The following ZWINT variants were observed in gnomAD, a reference collection of about 807,000 sequenced individuals.
ZWINT encodes the protein ZW10 interacting kinetochore protein, also known as outer kinetochore KNL1 complex subunit ZWINT.
ZWINT carries 41 observed loss-of-function variants against 41.5 expected under a neutral mutation model. The ratio of observed to expected loss-of-function variants is 0.99; its 90% CI spans 0.77 to 1.28. ZWINT has a LOEUF of 1.28. Among genes scored for constraint, ZWINT ranks in the 50% most tolerant of loss-of-function variants. ZWINT has a pLI of 0.00. For synonymous variants in ZWINT, 132 were observed against 126.8 expected (o/e 1.04, Z -0.28); for missense variants, 369 against 329.7 (o/e 1.12, Z -0.92).
In ZWINT at chr10:56,357,823, T is replaced by C. The variant is rs1838204866; in HGVS notation, c.*404A>G. On this transcript the variant is annotated 3_prime_UTR_variant, in exon 9 of 9. Coordinates refer to ENST00000373944, the MANE Select transcript of ZWINT (RefSeq NM_007057.4). ...CACAAAGAAAGGACTCAACAAACAT[T>C]TGGATCCATGAATAAAATTATCTTC... The C allele has an allele frequency of 5.7e-6, 2 of 348,086 alleles. No individual in the cohort carries two copies. The highest frequency in any genetic ancestry group is 2.2e-5 in the African/African-American group (1 of 46,432). The allele number at this position is 348,086 out of a possible 1,614,324, so 21.6% of individuals were successfully genotyped here.
At position 56,358,111 on chromosome 10, in the gene ZWINT, T is replaced by C; in HGVS notation, c.*116A>G. On this transcript the variant is annotated 3_prime_UTR_variant, in exon 9 of 9. Coordinates refer to ENST00000373944, the MANE Select transcript of ZWINT (RefSeq NM_007057.4). Reference sequence around the variant, plus strand: ...GATGCCAGAGCTTGCTGGGATGTAGTCAGAAATCAAGCTGAACTCAGGAGT... The same window carrying C: ...GATGCCAGAGCTTGCTGGGATGTAGCCAGAAATCAAGCTGAACTCAGGAGT... 1.5e-6 allele frequency: 1 copy of C among 660,262 alleles called. No individual in the cohort carries two copies. The highest frequency in any genetic ancestry group is 2.9e-6 in the Non-Finnish European group (1 of 341,996). 40.9% of individuals were successfully genotyped at this position (660,262 alleles called of 1,614,324 possible). A position where few individuals can be genotyped will look rare whatever the true frequency, so the allele number is the denominator to read the frequency against.
In ZWINT at chr10:56,358,698, T is replaced by C. The variant is rs773171563; in HGVS notation, c.650A>G (p.Tyr217Cys). The change falls in exon 7 of 9, where the codon TAT (tyrosine) becomes TGT (cysteine). Residue 217 changes from tyrosine to cysteine, a missense_variant. Physicochemically the swap from Tyr to Cys is radical, Grantham distance 194. Coordinates refer to ENST00000373944, the MANE Select transcript of ZWINT (RefSeq NM_007057.4). ...GAACAACAGCTTACCCTGCAGGGTA[T>C]ACAGAAGCTGGAGGAAGGTCTGATA... ...QRYQTFLQLL[Y>C]TLQGKLLFPE... 6 of 1,614,112 alleles carry C rather than the reference T, an allele frequency of 3.7e-6. No homozygotes were observed. In the East Asian group the frequency reaches 1.3e-4, roughly 36 times the overall value.
rs1325876020 is a variant in ZWINT at position 56,359,677 on chromosome 10, C to T, written c.423+10G>A. The T allele has an allele frequency of 3.1e-6, 5 of 1,614,022 alleles. No homozygotes were observed. The highest frequency in any genetic ancestry group is 1.7e-5 in the Admixed American group (1 of 59,996). On this transcript the variant is annotated intron_variant, in intron 4 of 8. Coordinates refer to ENST00000373944, the MANE Select transcript of ZWINT (RefSeq NM_007057.4). ...CCTTCCCTCCCTGTACTCAAGACCCCTGGGTGTACCTTGGCCTGGAGCTGC... is the reference window on the plus strand; with the variant it reads ...CCTTCCCTCCCTGTACTCAAGACCCTTGGGTGTACCTTGGCCTGGAGCTGC...
At position 56,359,785 on chromosome 10, in the gene ZWINT, C is replaced by A. The variant is rs376230702; in HGVS notation, c.325G>T (p.Ala109Ser). The change falls in exon 4 of 9, where the codon GCC becomes TCC. Residue 109 changes from alanine (A) to serine (S), a missense_variant. By Grantham distance (99) the Ala-to-Ser change is moderately conservative. Transcript: ENST00000373944. ...LKATYREHVEAIKIGLTKALT... is the reference protein window; with the variant it reads ...LKATYREHVESIKIGLTKALT... Reference sequence around the variant, plus strand: ...GCCTTGGTGAGGCCAATTTTGATGGCCTCTACGTGCTCCCTGTAGGTGGCC... The same window carrying A: ...GCCTTGGTGAGGCCAATTTTGATGGACTCTACGTGCTCCCTGTAGGTGGCC... 1.3e-5 allele frequency: 21 copies of A among 1,613,984 alleles called. No individual in the cohort carries two copies. The highest frequency in any genetic ancestry group is 1.5e-5 in the Non-Finnish European group (18 of 1,180,024).
At chr10:56,358,303 G>T in intron 8 of ZWINT, 74 bp downstream of exon 8, 1 of 1,236,498 alleles carries the variant, frequency 8.1e-7, no homozygotes, top group Non-Finnish European at 1.2e-6. Flanking sequence ...CTCAGATGCA[G>T]AGAGAGGTAA....
intron 1 of ZWINT, among the ~76,000 whole-genome samples, chr10:56,360,633 GAA>G (rs1336537389): frequency 6.6e-6 from 1 of 152,328 alleles, no homozygotes; most frequent in East Asian, 1.9e-4. Context: ...AGGAGTTTGA[GAA>G]AAGAGCTGAA....
chr10:56,359,491 C>T lies in ZWINT; in HGVS notation c.465G>A (p.Gln155=). 2 of 1,536,586 alleles carry T rather than the reference C, an allele frequency of 1.3e-6. No individual in the cohort carries two copies. Among genetic ancestry groups the T allele is most frequent in the East Asian group, 2.3e-5 (1 of 44,280 alleles). Reference sequence around the variant, plus strand: ...ACGAACCTACCTGTTGTAGCTGCCACTGGTTCTGGACTGCTCTGCGTTTCT... The same window carrying T: ...ACGAACCTACCTGTTGTAGCTGCCATTGGTTCTGGACTGCTCTGCGTTTCT... The part of the protein sequence containing the change: ...AMEKRRAVQN[Q]WQLQQEKHLQ... Residue 155 remains glutamine, a synonymous_variant, in exon 5 of 9, where the codon CAG becomes CAA. Transcript: ENST00000373944.
rs1024574990 is a variant in ZWINT at position 56,360,022 on chromosome 10, C to T, written c.252G>A (p.Thr84=). The change falls in exon 3 of 9, where the codon ACG becomes ACA. Residue 84 remains threonine (T), a synonymous_variant. Transcript: ENST00000373944. The stretch of plus-strand genomic sequence containing the variant: ...TACAATCCCCTGCCTACTCACGGCT[C>T]GTGTCTTCAGAAGCCAAGGGGTCGA... ...KGLDPLASED[T]SRQKAIAAKE... 4 of 1,613,870 alleles carry T rather than the reference C, an allele frequency of 2.5e-6. No individual in the cohort carries two copies. The African/African-American group carries it at 4.0e-5, about 16-fold the overall frequency.
chr10:56,358,771 A>G (rs1460554491), intron 6 of ZWINT, 34 bp downstream of exon 6: 1 of 1,613,952 alleles, frequency 6.2e-7, no homozygotes, highest in Non-Finnish European at 8.5e-7. Context: ...CAGCTGGACC[A>G]TTTTGAATCT....
Position 56,358,716 on chromosome 10 carries a change from G to T in ZWINT, c.632C>A (p.Thr211Asn). 1 of 1,614,144 alleles carries T rather than the reference G, an allele frequency of 6.2e-7. No homozygotes were observed. Among genetic ancestry groups the T allele is most frequent in the South Asian group, 1.1e-5 (1 of 91,088 alleles). Residue 211 changes from threonine (T) to asparagine (N), a missense_variant, in exon 7 of 9, where the codon ACC becomes AAC. Transcript: ENST00000373944. Reference protein sequence around the residue: ...QERDKLQRYQTFLQLLYTLQG... With the variant: ...QERDKLQRYQNFLQLLYTLQG... Reference sequence around the variant, plus strand: ...CAGGGTATACAGAAGCTGGAGGAAGGTCTGATACCTACAAAGAGGAGGTAA... The same window carrying T: ...CAGGGTATACAGAAGCTGGAGGAAGTTCTGATACCTACAAAGAGGAGGTAA...
Position 56,357,992 on chromosome 10 carries a change from T to C in ZWINT, c.*235A>G. On this transcript the variant is annotated 3_prime_UTR_variant, in exon 9 of 9. Coordinates refer to ENST00000373944, the MANE Select transcript of ZWINT (RefSeq NM_007057.4). ...CCAGTCCCAGCTCCTGTCATGTTAT[T>C]GGCTTCTGAGTATCTGTATTAATAG... 2.0e-6 allele frequency: 1 copy of C among 489,548 alleles called. No homozygotes were observed. Among genetic ancestry groups the C allele is most frequent in the South Asian group, 1.5e-5 (1 of 66,422 alleles). The allele number at this position is 489,548 out of a possible 1,614,324, so 30.3% of individuals were successfully genotyped here. A position where few individuals can be genotyped will look rare whatever the true frequency, so the allele number is the denominator to read the frequency against.
Position 56,360,140 on chromosome 10 carries a change from T to G in ZWINT, c.134A>C (p.Asp45Ala). The change falls in exon 3 of 9, where the codon GAC (aspartate) becomes GCC (alanine). Residue 45 changes from aspartate (D) to alanine (A), a missense_variant and splice_region_variant. Asp to Ala is a moderately radical substitution (Grantham distance 126). Transcript: ENST00000373944. ...GAGCAGCTTGTCTTTCTTCTGAGAG[T>G]CCTGCTCAGAGGGAGGGCAGAGACA... ...PAKILVEFVV[D>A]SQKKDKLLCS... 1 of 1,613,908 alleles carries G rather than the reference T, an allele frequency of 6.2e-7. No individual in the cohort carries two copies. Among genetic ancestry groups the G allele is most frequent in the East Asian group, 2.2e-5 (1 of 44,870 alleles).
intron 1 of ZWINT, 110 bp downstream of exon 1, chr10:56,361,086 G>A (rs1838322416): frequency 4.0e-6 from 5 of 1,243,442 alleles, no homozygotes; most frequent in East Asian, 2.4e-5. Flanking sequence ...TTCACGGCAG[G>A]GTCGAACCTC....
chr10:56,360,962 C>T (rs937317732), intron 1 of ZWINT, among the ~76,000 whole-genome samples: 1 of 152,114 alleles, frequency 6.6e-6, no homozygotes, highest in Admixed American at 6.6e-5. Flanking sequence ...TCCTAGAGCA[C>T]ATCCTGTGGA....
chr10:56,357,263 C>T lies in ZWINT; in HGVS notation c.*964G>A, dbSNP rs562453134. ...AAAAGATAATTCACTCACCAAATTT[C>T]AAAGTTTATTAAACAGATGATATTC... On this transcript the variant is annotated 3_prime_UTR_variant, in exon 9 of 9. Coordinates refer to ENST00000373944, the MANE Select transcript of ZWINT (RefSeq NM_007057.4). 1 of 152,106 alleles carries T rather than the reference C, an allele frequency of 6.6e-6. No individual in the cohort carries two copies. The highest frequency in any genetic ancestry group is 1.5e-5 in the Non-Finnish European group (1 of 67,954). The allele number at this position is 152,106 out of a possible 1,614,324, so 9.4% of individuals were successfully genotyped here. A position where few individuals can be genotyped will look rare whatever the true frequency, so the allele number is the denominator to read the frequency against.
rs1838191803 is a variant in ZWINT at position 56,357,446 on chromosome 10, A to C, written c.*781T>G. The C allele has an allele frequency of 6.6e-6, 1 of 152,272 alleles. No individual in the cohort carries two copies. The highest frequency in any genetic ancestry group is 2.4e-5 in the African/African-American group (1 of 41,460). The allele number at this position is 152,272 out of a possible 1,614,324, so 9.4% of individuals were successfully genotyped here. ...ATAAAGGAAGTCAGAAGAAATGTAT[A>C]ACCTTAAATATTTATTTGAGAAAAC... is the stretch of plus-strand genomic sequence containing the variant. On this transcript the variant is annotated 3_prime_UTR_variant, in exon 9 of 9. Coordinates refer to ENST00000373944, the MANE Select transcript of ZWINT (RefSeq NM_007057.4).
chr10:56,359,751 T>C lies in ZWINT; in HGVS notation c.359A>G (p.Gln120Arg), dbSNP rs1207587213. 6.2e-7 allele frequency: 1 copy of C among 1,614,048 alleles called. No homozygotes were observed. Among genetic ancestry groups the C allele is most frequent in the Non-Finnish European group, 8.5e-7 (1 of 1,180,018 alleles). ...CCGTTTCCTCTGGGCTTCCTCCATC[T>C]GAGTCAGGGCCTTGGTGAGGCCAAT... The part of the protein sequence containing the change: ...IKIGLTKALT[Q>R]MEEAQRKRTQ... The change falls in exon 4 of 9, where the codon CAG (glutamine) becomes CGG (arginine). Residue 120 changes from glutamine to arginine, a missense_variant. Gln to Arg is a conservative substitution (Grantham distance 43). Coordinates refer to ENST00000373944, the MANE Select transcript of ZWINT (RefSeq NM_007057.4).
chr10:56,361,263 T>C (rs755191993), upstream of ZWINT: 1 of 1,607,604 alleles, frequency 6.2e-7, no homozygotes, highest in Admixed American at 1.7e-5. Flanking sequence ...TTCAGCTGCC[T>C]TCCCACAATC....
chr10:56,359,664 G>A (rs1227334201), intron 4 of ZWINT, 23 bp downstream of exon 4: 3 of 1,613,756 alleles, frequency 1.9e-6, no homozygotes, highest in African/African-American at 1.3e-5. Context: ...TTCCCTCCCT[G>A]TACTCAAGAC....
Sources: gnomAD v4.1 joint callset for allele counts (sites outside exome capture counted in the v4.1 genomes callset) on GRCh38, gnomAD v4.1.1 for gene constraint, MANE v1.5 for transcripts, NCBI Gene and HGNC (gene_info 2026-07-23, HGNC 2026-07-21) for gene names.